NBEA: variants seen among roughly 807,000 people sequenced by gnomAD.
NBEA encodes neurobeachin, also known as lysosomal-trafficking regulator 2.
NBEA carries 44 observed loss-of-function variants against 343.4 expected under a neutral mutation model. The ratio of observed to expected loss-of-function variants is 0.13; its 90% CI spans 0.10 to 0.16. NBEA has a LOEUF of 0.16. Among genes scored for constraint, NBEA ranks in the 10% least tolerant of loss-of-function variants. The pLI is 1.00. For synonymous variants in NBEA, 1,175 were observed against 1,238.7 expected, an observed-to-expected ratio of 0.95 and a Z score of 1.08; for missense variants, 2,555 against 3,631.3, an observed-to-expected ratio of 0.70 and a Z score of 7.62.
chr13:35,587,762 T>C (rs765140080), intron 46 of NBEA, among the ~76,000 whole-genome samples: 2 of 152,150 alleles, frequency 1.3e-5, no homozygotes, highest in Non-Finnish European at 2.9e-5. Context: ...TCTCAAATCA[T>C]AACTCAGAAT....
At chr13:35,559,337 G>A (rs917962653) in intron 44 of NBEA, among the ~76,000 whole-genome samples, 9 of 152,072 alleles carry the variant, frequency 5.9e-5, no homozygotes, top group African/African-American at 1.9e-4. Flanking sequence ...TCACTTTAAC[G>A]AACACGGGTC....
At chr13:34,998,746 A>T (rs1488158386) in intron 1 of NBEA, among the ~76,000 whole-genome samples, 1 of 152,106 alleles carries the variant, frequency 6.6e-6, no homozygotes, top group African/African-American at 2.4e-5. Flanking sequence ...CTCAGATTTC[A>T]TATTGTTCAA....
chr13:35,037,011 T>G (rs2062466936), intron 1 of NBEA, among the ~76,000 whole-genome samples: 1 of 152,154 alleles, frequency 6.6e-6, no homozygotes, highest in African/African-American at 2.4e-5. Context: ...TTTCTTTACC[T>G]CCTTTTAAAG....
At chr13:34,971,518 A>G (rs1266730380) in intron 1 of NBEA, among the ~76,000 whole-genome samples, 1 of 152,096 alleles carries the variant, frequency 6.6e-6, no homozygotes, top group African/African-American at 2.4e-5. Flanking sequence ...TTATTTTGAG[A>G]TATATTTCTT....
chr13:35,574,396 C>G (rs199603602), intron 45 of NBEA, among the ~76,000 whole-genome samples: 35,223 of 133,470 alleles, frequency 0.26, 4,844 homozygotes, highest in African/African-American at 0.4. Context: ...AAAAGAAAAA[C>G]AAAAGAAAAA....
rs554238755 is a variant in NBEA at position 35,047,574 on chromosome 13, G to A, written c.724-989G>A. ...TTGGATAGAAGCAACATGATGTATA[G>A]GAAGAGGAACTGTAAAAGAACTAGT... On this transcript the variant is annotated intron_variant, in intron 4 of 58. Transcript: ENST00000379939. Among the ~76,000 whole-genome samples, 11 of 151,922 alleles carry A rather than the reference G, an allele frequency of 7.2e-5. No homozygotes were observed. The South Asian group carries it at 2.3e-3, about 32-fold the overall frequency.
At chr13:35,670,837 G>A (rs2085588307) in intron 58 of NBEA, 64 bp from the exon 59 acceptor site, 1 of 1,126,364 alleles carries the variant, frequency 8.9e-7, no homozygotes, top group Admixed American at 2.0e-5. Flanking sequence ...ATACTGTCTA[G>A]TGTAAAATAG....
Position 35,058,782 on chromosome 13 carries a change from A to G in NBEA, c.1158A>G (p.Gln386=), listed in dbSNP as rs2063358018. 2 of 1,600,938 alleles carry G rather than the reference A, an allele frequency of 1.2e-6. No homozygotes were observed. The highest frequency in any genetic ancestry group is 1.7e-5 in the Admixed American group (1 of 58,510). ...TADANRVFCG[Q]LGAVYVFSEA... ...ATGCAAATAGGGTATTCTGTGGTCA[A>G]CTTGGTGCCGTGTATGTGTTCAGTG... Residue 386 remains glutamine (Q), a synonymous_variant, in exon 8 of 59, where the codon CAA becomes CAG. Transcript: ENST00000379939.
intron 35 of NBEA, among the ~76,000 whole-genome samples, chr13:35,296,380 CAAA>C (rs1184169537): frequency 3.8e-5 from 3 of 79,364 alleles, no homozygotes; most frequent in Non-Finnish European, 5.2e-5. Context: ...GACTCAGTCT[CAAA>C]AAAAAAAAAA....
At chr13:35,601,761 CAAAAAAAAA>C (rs869213180) in intron 47 of NBEA, among the ~76,000 whole-genome samples, 41 of 114,900 alleles carry the variant, frequency 3.6e-4, no homozygotes, top group East Asian at 7.2e-4. Context: ...GACTCCATCG[CAAAAAAAAA>C]AAAAAAAAAA....
At chr13:34,964,863 A>G (rs940737928) in intron 1 of NBEA, among the ~76,000 whole-genome samples, 1 of 152,012 alleles carries the variant, frequency 6.6e-6, no homozygotes, top group Admixed American at 6.6e-5. Context: ...GGGCAATAGA[A>G]ACAGTGAGTG....
chr13:35,070,506 A>C lies in NBEA; in HGVS notation c.1438-213A>C, dbSNP rs2063824009. On this transcript the variant is annotated intron_variant, in intron 9 of 58. Transcript: ENST00000379939. ...CGTTTGATTTTAACTTAATATTTTT[A>C]GTGTGAAAATGCCTCAACCTAAGAT... Among the ~76,000 whole-genome samples the C allele has an allele frequency of 2.6e-5, 4 of 152,230 alleles. No individual in the cohort carries two copies. In the South Asian group the frequency reaches 8.3e-4, roughly 32 times the overall value.
At position 35,253,303 on chromosome 13, in the gene NBEA, A is replaced by G. The variant is rs544996938; in HGVS notation, c.5776+20684A>G. Reference sequence around the variant, plus strand: ...CCTTGCATGGAGCAAGTCTACTGGCACCACTTTTCCAAAAACGTGCTCACT... The same window carrying G: ...CCTTGCATGGAGCAAGTCTACTGGCGCCACTTTTCCAAAAACGTGCTCACT... On this transcript the variant is annotated intron_variant, in intron 34 of 58. Coordinates refer to ENST00000379939, the MANE Select transcript of NBEA (RefSeq NM_001385012.1). Among the ~76,000 whole-genome samples, 7 of 152,352 alleles carry G rather than the reference A, an allele frequency of 4.6e-5. No individual in the cohort carries two copies. The South Asian group carries it at 1.2e-3, about 27-fold the overall frequency.
intron 17 of NBEA, among the ~76,000 whole-genome samples, chr13:35,133,143 GA>G (rs2067518095): frequency 6.6e-6 from 1 of 151,654 alleles, no homozygotes; most frequent in South Asian, 2.1e-4. Flanking sequence ...CTAAACATAC[GA>G]AAAAAATTGT....
At chr13:35,072,542 T>TTTTG (rs141162226) in intron 10 of NBEA, among the ~76,000 whole-genome samples, 25 of 151,942 alleles carry the variant, frequency 1.6e-4, no homozygotes, top group Middle Eastern at 3.2e-3. Context: ...CTATTATGTC[T>TTTTG]TTTGTTTGTT....
At chr13:35,402,562 A>G (rs936047872) in intron 38 of NBEA, among the ~76,000 whole-genome samples, 6 of 152,140 alleles carry the variant, frequency 3.9e-5, no homozygotes, top group Non-Finnish European at 7.4e-5. Flanking sequence ...CGAACCACAC[A>G]GTGTGGAGAG....
chr13:35,263,458 A>C (rs1162502185), intron 34 of NBEA, among the ~76,000 whole-genome samples: 1 of 151,500 alleles, frequency 6.6e-6, no homozygotes, highest in Non-Finnish European at 1.5e-5. Context: ...GAAACATTCT[A>C]TCCAGTAGCT....
intron 38 of NBEA, among the ~76,000 whole-genome samples, chr13:35,413,541 A>G (rs2152918501): frequency 6.6e-6 from 1 of 152,278 alleles, no homozygotes; most frequent in Non-Finnish European, 1.5e-5. Context: ...GCTTTAAGGA[A>G]AATCAAGTAC....
intron 1 of NBEA, among the ~76,000 whole-genome samples, chr13:34,960,369 A>T (rs998905217): frequency 6.6e-6 from 1 of 152,166 alleles, no homozygotes; most frequent in Admixed American, 6.6e-5. Flanking sequence ...AAAGTAAAAA[A>T]GTTTATAGTA....
Sources: allele counts gnomAD v4.1 joint callset (sites outside exome capture counted in the v4.1 genomes callset), GRCh38; gene constraint gnomAD v4.1.1; transcripts MANE v1.5; gene names NCBI Gene and HGNC (gene_info 2026-07-23, HGNC 2026-07-21).